Variants in DNAH7 observed in about 807,000 individuals in gnomAD.
DNAH7 encodes dynein axonemal heavy chain 7.
DNAH7 carries 397 observed loss-of-function variants against 444.6 expected under a neutral mutation model. The observed-to-expected ratio is 0.89, with a 90% CI of 0.82 to 0.97. The LOEUF is 0.97. DNAH7 is among the 50% of genes least tolerant of loss of function. The probability of loss-of-function intolerance (pLI) is 0.00; values close to 1 mark genes in which losing one functional copy is unlikely to be tolerated. For synonymous variants in DNAH7, 1,636 were observed against 1,624.4 expected, an observed-to-expected ratio of 1.01 and a Z score of -0.17; for missense variants, 4,902 against 4,800.8, an observed-to-expected ratio of 1.02 and a Z score of -0.62.
At chr2:195,897,039 G>A (rs185534318) in intron 29 of DNAH7, among the ~76,000 whole-genome samples, 182 of 152,208 alleles carry the variant, frequency 1.2e-3, no homozygotes, top group African/African-American at 4.1e-3. Context: ...CCAAAACAGC[G>A]TAAGTTAGTC....
intron 10 of DNAH7, among the ~76,000 whole-genome samples, chr2:196,006,436 T>G (rs984125567): frequency 2.0e-5 from 3 of 152,138 alleles, no homozygotes; most frequent in Non-Finnish European, 2.9e-5. Context: ...AATCACATGA[T>G]TATCTCAATA....
intron 51 of DNAH7, among the ~76,000 whole-genome samples, chr2:195,815,017 C>G (rs899759104): frequency 6.6e-6 from 1 of 150,906 alleles, no homozygotes; most frequent in African/African-American, 2.4e-5. Flanking sequence ...GCTGGGCTTA[C>G]AGGTGTGAGC....
intron 63 of DNAH7, among the ~76,000 whole-genome samples, chr2:195,743,070 C>T (rs909101536): frequency 2.0e-5 from 3 of 152,184 alleles, no homozygotes; most frequent in Admixed American, 2.0e-4. Context: ...ACTTGCTAAG[C>T]CTTCTGGCCT....
intron 35 of DNAH7, among the ~76,000 whole-genome samples, chr2:195,883,319 T>G (rs1021647780): frequency 6.6e-6 from 1 of 151,858 alleles, no homozygotes; most frequent in Non-Finnish European, 1.5e-5. Flanking sequence ...TGGTGGCGGG[T>G]GCCTGTAGTC....
At chr2:196,040,310 C>T (rs1607603) in intron 5 of DNAH7, among the ~76,000 whole-genome samples, 2,424 of 152,008 alleles carry the variant, frequency 0.016, 77 homozygotes, top group African/African-American at 0.055. Flanking sequence ...AACATAGACA[C>T]AAAAATCCTC....
At position 195,756,124 on chromosome 2, in the gene DNAH7, C is replaced by A; in HGVS notation, c.11586+9G>T. ...ACTTAACAATATACGATCATTTAGA[C>A]GAACTTACCTGCAAGAATTTTAGTC... On this transcript the variant is annotated intron_variant, in intron 62 of 64. Coordinates refer to ENST00000312428, the MANE Select transcript of DNAH7 (RefSeq NM_018897.3). 1 of 1,590,048 alleles carries A rather than the reference C, an allele frequency of 6.3e-7. No homozygotes were observed. Among genetic ancestry groups the A allele is most frequent in the Non-Finnish European group, 8.6e-7 (1 of 1,166,456 alleles).
At position 195,895,199 on chromosome 2, in the gene DNAH7, C is replaced by T; in HGVS notation, c.4673G>A (p.Gly1558Glu). The T allele has an allele frequency of 6.2e-7, 1 of 1,607,856 alleles. No homozygotes were observed. Among genetic ancestry groups the T allele is most frequent in the African/African-American group, 1.3e-5 (1 of 74,864 alleles). Residue 1558 changes from glycine to glutamate, a missense_variant, in exon 30 of 65, where the codon GGG becomes GAG. Gly to Glu is a moderately conservative substitution (Grantham distance 98). Transcript: ENST00000312428. Reference protein sequence around the residue: ...FEGITSDLFPGVKLPKPDYND... With the variant: ...FEGITSDLFPEVKLPKPDYND... ...GTAATCTGGTTTTGGTAATTTTACCCCAGGAAACAAATCCGAAGTAATTCC... is the reference window on the plus strand; with the variant it reads ...GTAATCTGGTTTTGGTAATTTTACCTCAGGAAACAAATCCGAAGTAATTCC...
At chr2:195,811,072 AATATG>A (rs1302356875) in intron 51 of DNAH7, among the ~76,000 whole-genome samples, 3 of 152,206 alleles carry the variant, frequency 2.0e-5, no homozygotes, top group Non-Finnish European at 4.4e-5. Context: ...ATGGACATAT[AATATG>A]ATATGTTAAT....
At chr2:195,868,881 G>C (rs113167725) in intron 40 of DNAH7, among the ~76,000 whole-genome samples, 36 of 148,740 alleles carry the variant, frequency 2.4e-4, no homozygotes, top group Admixed American at 8.2e-4. Flanking sequence ...AGGTTATCTA[G>C]TATGATAATG....
At chr2:195,794,845 T>G (rs975770270) in intron 56 of DNAH7, among the ~76,000 whole-genome samples, 3 of 152,236 alleles carry the variant, frequency 2.0e-5, no homozygotes, top group Non-Finnish European at 1.5e-5. Context: ...AACTCTTGTA[T>G]GTGCACTGAT....
chr2:195,961,058 T>C, intron 17 of DNAH7, 113 bp from the exon 18 acceptor site: 1 of 841,750 alleles, frequency 1.2e-6, no homozygotes, highest in Non-Finnish European at 1.7e-6. Context: ...TACTAAGCCC[T>C]GAAGTTAAAC....
chr2:196,009,173 C>T (rs1694570799), intron 10 of DNAH7, among the ~76,000 whole-genome samples: 1 of 152,144 alleles, frequency 6.6e-6, no homozygotes, highest in Non-Finnish European at 1.5e-5. Flanking sequence ...CAGGCCACAC[C>T]TCCAACACTA....
intron 12 of DNAH7, chr2:195,999,193 G>A: frequency 2.8e-6 from 2 of 717,416 alleles, no homozygotes; most frequent in South Asian, 3.0e-5. Flanking sequence ...AAAGGTGACA[G>A]ACCTTTGAAT....
chr2:195,834,060 A>T, intron 48 of DNAH7, 146 bp downstream of exon 48: 1 of 750,682 alleles, frequency 1.3e-6, no homozygotes, highest in Non-Finnish European at 2.0e-6. Context: ...TACAAAAATT[A>T]GCCAAGCGTG....
intron 9 of DNAH7, among the ~76,000 whole-genome samples, chr2:196,015,663 T>C (rs1316083098): frequency 6.6e-6 from 1 of 152,224 alleles, no homozygotes; most frequent in Non-Finnish European, 1.5e-5. Context: ...GAGCATCTTA[T>C]CAGGTTTCCA....
chr2:195,991,576 A>G (rs1693345178), intron 12 of DNAH7, among the ~76,000 whole-genome samples: 1 of 152,220 alleles, frequency 6.6e-6, no homozygotes, highest in Admixed American at 6.5e-5. Flanking sequence ...AAATTGCTAA[A>G]TAATAAAAAT....
chr2:195,855,833 T>C lies in DNAH7; in HGVS notation c.8573A>G (p.Lys2858Arg), dbSNP rs1553537889. The C allele has an allele frequency of 6.2e-7, 1 of 1,613,652 alleles. No homozygotes were observed. Residue 2858 changes from lysine to arginine, a missense_variant, in exon 45 of 65, where the codon AAG becomes AGG. By Grantham distance (26) the Lys-to-Arg change is conservative (BLOSUM62 2). Coordinates refer to ENST00000312428, the MANE Select transcript of DNAH7 (RefSeq NM_018897.3). Reference protein sequence around the residue: ...LQDTLELNKQKKADLENQVDL... With the variant: ...LQDTLELNKQRKADLENQVDL... Reference sequence around the variant, plus strand: ...CACCTGGTTTTCCAGGTCAGCCTTCTTTTGTTTATTTAATTCAAGTGTGTC... The same window carrying C: ...CACCTGGTTTTCCAGGTCAGCCTTCCTTTGTTTATTTAATTCAAGTGTGTC...
Position 195,962,035 on chromosome 2 carries a change from G to A in DNAH7, c.2206-1090C>T, listed in dbSNP as rs180949846. Among the ~76,000 whole-genome samples the A allele has an allele frequency of 7.9e-4, 120 of 152,286 alleles. 1 individual carries two copies. The highest frequency in any genetic ancestry group is 7.8e-3 in the Admixed American group (119 of 15,296). On this transcript the variant is annotated intron_variant, in intron 17 of 64. Transcript: ENST00000312428. ...AAATACTGCAGTCACAGATGCTTCT[G>A]TAAAGAAAATGAAACTCGAGTTCAG...
chr2:195,960,800 G>A lies in DNAH7; in HGVS notation c.2351C>T (p.Thr784Ile), dbSNP rs1445369732. The change falls in exon 18 of 65, where the codon ACA (threonine) becomes ATA (isoleucine). Residue 784 changes from threonine (T) to isoleucine (I), a missense_variant. By Grantham distance (89) the Thr-to-Ile change is moderately conservative. Coordinates refer to ENST00000312428, the MANE Select transcript of DNAH7 (RefSeq NM_018897.3). Reference sequence around the variant, plus strand: ...ATTCACTTTATGATATGGCCCTTCTGTCCATGCTCTATAGTTGCTGCTAAA... The same window carrying A: ...ATTCACTTTATGATATGGCCCTTCTATCCATGCTCTATAGTTGCTGCTAAA... ...VEFSSNYRAW[T>I]EGPYHKVNPD... 3.1e-6 allele frequency: 5 copies of A among 1,613,890 alleles called. No homozygotes were observed. Among genetic ancestry groups the A allele is most frequent in the Admixed American group, 1.7e-5 (1 of 59,986 alleles).
Sources: gnomAD v4.1 joint callset for allele counts (sites outside exome capture counted in the v4.1 genomes callset) on GRCh38, gnomAD v4.1.1 for gene constraint, MANE v1.5 for transcripts, NCBI Gene and HGNC (gene_info 2026-07-23, HGNC 2026-07-21) for gene names.